Variants in LSAMP observed in about 807,000 individuals in gnomAD.
LSAMP encodes the protein limbic system-associated membrane protein.
LSAMP carries 7 observed loss-of-function variants against 38.6 expected under a neutral mutation model. The observed-to-expected ratio is 0.18, with a 90% CI of 0.10 to 0.34. The LOEUF is 0.34. Ranked by LOEUF, LSAMP falls within the 10% of genes least tolerant of loss-of-function variation. The probability of loss-of-function intolerance (pLI) is 1.00; values close to 1 mark genes in which losing one functional copy is unlikely to be tolerated. For missense variants in LSAMP, 313 were observed against 420.0 expected (o/e 0.75, Z 2.23); for synonymous variants, 154 against 166.8 (o/e 0.92, Z 0.59).
chr3:116,314,311 G>A (rs762339137), intron 1 of LSAMP, among the ~76,000 whole-genome samples: 9 of 152,190 alleles, frequency 5.9e-5, no homozygotes, highest in Non-Finnish European at 1.0e-4. Context: ...CAACTTCATA[G>A]AATTGTTATG....
At chr3:116,093,620 G>T (rs931622256) in intron 1 of LSAMP, among the ~76,000 whole-genome samples, 4 of 152,150 alleles carry the variant, frequency 2.6e-5, no homozygotes, top group African/African-American at 9.7e-5. Flanking sequence ...ATCGTAAAAT[G>T]ATGTAATCAT....
chr3:116,112,804 G>A (rs1351526026), intron 1 of LSAMP, among the ~76,000 whole-genome samples: 1 of 152,142 alleles, frequency 6.6e-6, no homozygotes, highest in South Asian at 2.1e-4. Flanking sequence ...AAATGCGTTG[G>A]CTACCCTACC....
chr3:116,231,909 T>C (rs1265916182), intron 1 of LSAMP, among the ~76,000 whole-genome samples: 1 of 152,232 alleles, frequency 6.6e-6, no homozygotes, highest in African/African-American at 2.4e-5. Flanking sequence ...TTTATTGCAC[T>C]TTAACAATAT....
chr3:116,241,474 G>C (rs1331000934), intron 1 of LSAMP, among the ~76,000 whole-genome samples: 1 of 152,154 alleles, frequency 6.6e-6, no homozygotes, highest in Non-Finnish European at 1.5e-5. Context: ...GGTGAGGCAG[G>C]AGAATCCGCT....
chr3:116,106,930 C>G (rs1035549835), intron 1 of LSAMP, among the ~76,000 whole-genome samples: 2 of 152,068 alleles, frequency 1.3e-5, no homozygotes, highest in Non-Finnish European at 2.9e-5. Flanking sequence ...AGATAGAACA[C>G]TGAGAAGTTA....
intron 1 of LSAMP, among the ~76,000 whole-genome samples, chr3:116,439,223 C>G (rs1468859695): frequency 6.6e-6 from 1 of 152,026 alleles, no homozygotes; most frequent in African/African-American, 2.4e-5. Flanking sequence ...GAATGCAGTG[C>G]TTCTCCAACC....
At chr3:116,203,398 T>C (rs2046017313) in intron 1 of LSAMP, among the ~76,000 whole-genome samples, 2 of 151,882 alleles carry the variant, frequency 1.3e-5, no homozygotes, top group African/African-American at 2.4e-5. Context: ...TATTTATTTA[T>C]TTTTTATTTT....
chr3:116,303,682 G>T (rs1576494886), intron 1 of LSAMP, among the ~76,000 whole-genome samples: 1 of 152,162 alleles, frequency 6.6e-6, no homozygotes, highest in South Asian at 2.1e-4. Context: ...CTTGTGAAGT[G>T]TACAGAGAGG....
At chr3:116,267,125 T>G (rs1336108333) in intron 1 of LSAMP, among the ~76,000 whole-genome samples, 1 of 152,118 alleles carries the variant, frequency 6.6e-6, no homozygotes, top group Non-Finnish European at 1.5e-5. Context: ...TCCCACTGTA[T>G]ACACTGAGCT....
intron 1 of LSAMP, among the ~76,000 whole-genome samples, chr3:116,309,240 T>C (rs149756828): frequency 6.6e-6 from 1 of 152,134 alleles, no homozygotes; most frequent in Non-Finnish European, 1.5e-5. Flanking sequence ...ATAGACATGC[T>C]GAGGCACAGC....
At chr3:116,254,707 C>T (rs924050718) in intron 1 of LSAMP, among the ~76,000 whole-genome samples, 1 of 152,310 alleles carries the variant, frequency 6.6e-6, no homozygotes, top group Non-Finnish European at 1.5e-5. Flanking sequence ...TGACTACCAT[C>T]TGTTTAGTGA....
chr3:116,067,827 T>A (rs1384976536), intron 2 of LSAMP, among the ~76,000 whole-genome samples: 1 of 152,182 alleles, frequency 6.6e-6, no homozygotes, highest in Non-Finnish European at 1.5e-5. Context: ...ATCAAATTAA[T>A]GTTATATTTA....
chr3:116,163,067 T>C (rs1289076214), intron 1 of LSAMP, among the ~76,000 whole-genome samples: 1 of 147,514 alleles, frequency 6.8e-6, no homozygotes, highest in Non-Finnish European at 1.5e-5. Context: ...AAGAAGATCT[T>C]TTTTTTTAAA....
At chr3:115,956,401 C>A (rs1938456245) in intron 3 of LSAMP, among the ~76,000 whole-genome samples, 1 of 151,644 alleles carries the variant, frequency 6.6e-6, no homozygotes. Context: ...ACCTTAATCC[C>A]CATAGAGGAG....
chr3:115,901,385 C>A (rs1169768899), intron 3 of LSAMP, among the ~76,000 whole-genome samples: 2 of 152,138 alleles, frequency 1.3e-5, no homozygotes, highest in Non-Finnish European at 2.9e-5. Flanking sequence ...GCTGCAATTA[C>A]TCCCTTGATG....
intron 1 of LSAMP, among the ~76,000 whole-genome samples, chr3:116,313,568 G>A (rs1234129764): frequency 2.0e-5 from 3 of 152,210 alleles, no homozygotes; most frequent in South Asian, 2.1e-4. Flanking sequence ...ACTGAGACAC[G>A]AAGTCATGTG....
chr3:116,110,204 C>G (rs1465189005), intron 1 of LSAMP, among the ~76,000 whole-genome samples: 1 of 151,848 alleles, frequency 6.6e-6, no homozygotes, highest in Non-Finnish European at 1.5e-5. Flanking sequence ...CTTGCCCTTT[C>G]CCCAGAAAAG....
At chr3:116,136,841 A>C (rs775266658) in intron 1 of LSAMP, among the ~76,000 whole-genome samples, 2 of 152,120 alleles carry the variant, frequency 1.3e-5, no homozygotes, top group Non-Finnish European at 2.9e-5. Context: ...AAAGTCACTC[A>C]TTCAATCACC....
rs565529912 is a variant in LSAMP, at chr3:116,235,354, G to A, written c.156-148798C>T. On this transcript the variant is annotated intron_variant, in intron 1 of 6. Coordinates refer to ENST00000490035, the MANE Select transcript of LSAMP (RefSeq NM_002338.5). ...TGGTCTTGAACTGCTGGGCTCAAGTGATCTTCCCACCTAGGTCTCCCAAGT... is the reference window on the plus strand; with the variant it reads ...TGGTCTTGAACTGCTGGGCTCAAGTAATCTTCCCACCTAGGTCTCCCAAGT... 4.6e-5 allele frequency among the ~76,000 whole-genome samples: 7 copies of A among 152,124 alleles called. No individual in the cohort carries two copies. In the South Asian group the frequency reaches 1.5e-3, roughly 32 times the overall value.
Sources: gnomAD v4.1 joint callset for allele counts (sites outside exome capture counted in the v4.1 genomes callset) on GRCh38, gnomAD v4.1.1 for gene constraint, MANE v1.5 for transcripts, NCBI Gene and HGNC (gene_info 2026-07-23, HGNC 2026-07-21) for gene names.